AGMO: variants seen among roughly 807,000 people sequenced by gnomAD.
The protein encoded by AGMO is alkylglycerol monooxygenase.
A neutral mutation model predicts 60.2 loss-of-function variants in AGMO; 75 were observed. The ratio of observed to expected loss-of-function variants is 1.25; its 90% CI spans 1.03 to 1.51. AGMO has a LOEUF of 1.51. Among genes scored for constraint, AGMO ranks in the 40% most tolerant of loss-of-function variants. The pLI is 0.00. For missense variants in AGMO, 763 were observed against 525.5 expected (o/e 1.45, Z -4.42); for synonymous variants, 261 against 177.1 (o/e 1.47, Z -3.76).
chr7:15,279,248 C>T (rs1263147733), intron 12 of AGMO, among the ~76,000 whole-genome samples: 1 of 152,132 alleles, frequency 6.6e-6, no homozygotes, highest in Non-Finnish European at 1.5e-5. Context: ...CATTAGGGGT[C>T]CTCTCTCAGC....
chr7:15,304,351 C>T (rs1780549963), intron 12 of AGMO, among the ~76,000 whole-genome samples: 1 of 152,006 alleles, frequency 6.6e-6, no homozygotes, highest in Non-Finnish European at 1.5e-5. Context: ...AACAGCGTAC[C>T]CAGCAAACAG....
intron 12 of AGMO, among the ~76,000 whole-genome samples, chr7:15,215,938 C>T (rs1180269485): frequency 1.3e-5 from 2 of 151,940 alleles, no homozygotes; most frequent in African/African-American, 4.8e-5. Flanking sequence ...TTTTAAAAAC[C>T]CGTATCGGCT....
chr7:15,324,759 A>G (rs1781284158), intron 12 of AGMO, among the ~76,000 whole-genome samples: 1 of 152,106 alleles, frequency 6.6e-6, no homozygotes, highest in South Asian at 2.1e-4. Flanking sequence ...GGACTGCGCA[A>G]TCTAGATCCC....
intron 10 of AGMO, among the ~76,000 whole-genome samples, chr7:15,373,525 A>G (rs1177903896): frequency 6.6e-6 from 1 of 152,138 alleles, no homozygotes; most frequent in African/African-American, 2.4e-5. Context: ...CAGATATTAT[A>G]AAGAAGAAAG....
intron 12 of AGMO, among the ~76,000 whole-genome samples, chr7:15,275,038 A>G (rs2128515947): frequency 6.6e-6 from 1 of 151,532 alleles, no homozygotes; most frequent in East Asian, 1.9e-4. Flanking sequence ...TTCAGTCTCA[A>G]TCTCATTTAG....
intron 12 of AGMO, among the ~76,000 whole-genome samples, chr7:15,319,014 T>C (rs1781025925): frequency 6.6e-6 from 1 of 152,156 alleles, no homozygotes; most frequent in Non-Finnish European, 1.5e-5. Flanking sequence ...TTCTTTATTC[T>C]AAAGTTGATT....
intron 5 of AGMO, among the ~76,000 whole-genome samples, chr7:15,414,562 T>A (rs1780704252): frequency 6.6e-6 from 1 of 151,968 alleles, no homozygotes; most frequent in Non-Finnish European, 1.5e-5. Context: ...GCCTACATTT[T>A]ACTTTAGCCA....
chr7:15,254,618 TG>T (rs1185307507), intron 12 of AGMO, among the ~76,000 whole-genome samples: 5 of 152,266 alleles, frequency 3.3e-5, no homozygotes, highest in African/African-American at 1.2e-4. Context: ...TTATAAAATC[TG>T]GATGTTATCC....
chr7:15,410,253 G>A (rs1364821756), intron 5 of AGMO, among the ~76,000 whole-genome samples: 1 of 151,572 alleles, frequency 6.6e-6, no homozygotes, highest in Non-Finnish European at 1.5e-5. Context: ...CTTATGTGTA[G>A]TAGCAAGATG....
intron 3 of AGMO, among the ~76,000 whole-genome samples, chr7:15,466,712 A>T (rs1161847743): frequency 6.6e-6 from 1 of 152,182 alleles, no homozygotes; most frequent in Non-Finnish European, 1.5e-5. Context: ...TATAAATCAT[A>T]GTATCGCTAA....
intron 12 of AGMO, among the ~76,000 whole-genome samples, chr7:15,275,468 T>C (rs970369931): frequency 6.6e-6 from 1 of 152,176 alleles, no homozygotes; most frequent in Non-Finnish European, 1.5e-5. Flanking sequence ...TAATCTCATG[T>C]GGTTGACTCT....
chr7:15,163,790 A>C, the AGMO span, among the ~76,000 whole-genome samples: 1 of 137,706 alleles, frequency 7.3e-6, no homozygotes, highest in Non-Finnish European at 1.6e-5. Flanking sequence ...CTTTTTTTTT[A>C]TTGTTGTGCC....
intron 10 of AGMO, among the ~76,000 whole-genome samples, chr7:15,371,870 A>C (rs973536812): frequency 6.6e-6 from 1 of 151,980 alleles, no homozygotes; most frequent in Non-Finnish European, 1.5e-5. Flanking sequence ...TCAAACTTTA[A>C]AATAAATTCA....
At chr7:15,435,992 C>T (rs1445748016) in intron 3 of AGMO, among the ~76,000 whole-genome samples, 4 of 152,056 alleles carry the variant, frequency 2.6e-5, no homozygotes, top group African/African-American at 9.7e-5. Context: ...ATTTAATTCC[C>T]AATAGTGGGC....
intron 3 of AGMO, among the ~76,000 whole-genome samples, chr7:15,493,664 C>T (rs1177060486): frequency 6.6e-6 from 1 of 152,022 alleles, no homozygotes; most frequent in African/African-American, 2.4e-5. Flanking sequence ...CGTGAGCCAC[C>T]GCGCCCGGCC....
At chr7:15,319,429 G>A (rs1378972134) in intron 12 of AGMO, among the ~76,000 whole-genome samples, 2 of 152,026 alleles carry the variant, frequency 1.3e-5, no homozygotes, top group Non-Finnish European at 2.9e-5. Flanking sequence ...TTTGGACTGG[G>A]GATCCAAAGA....
chr7:15,172,969 G>A, the AGMO span, among the ~76,000 whole-genome samples: 2 of 152,008 alleles, frequency 1.3e-5, no homozygotes, highest in South Asian at 4.1e-4. Context: ...TCAAAGATAA[G>A]GGCTTCTCAA....
rs71549927 is a variant in AGMO, at chr7:15,259,899, C to CAAAAAAAAAAAA, written c.1264-58552_1264-58541dup. 9.2e-3 allele frequency among the ~76,000 whole-genome samples: 87 copies of CAAAAAAAAAAAA among 9,414 alleles called. 7 individuals are homozygous for CAAAAAAAAAAAA. Among genetic ancestry groups the CAAAAAAAAAAAA allele is most frequent in the East Asian group, 0.02 (5 of 256 alleles). 6.2% of individuals were successfully genotyped at this position (9,414 alleles called of 152,430 possible). A position where few individuals can be genotyped will look rare whatever the true frequency, so the allele number is the denominator to read the frequency against. The stretch of plus-strand genomic sequence containing the variant: ...TACCAAGCCAGCACTACAAGAACTG[C>CAAAAAAAAAAAA]AAAAAAAAAAAAAAAAAAAAAAAAA... On this transcript the variant is annotated intron_variant, in intron 12 of 12. Transcript: ENST00000342526.
At chr7:15,181,581 G>A in the AGMO span, among the ~76,000 whole-genome samples, 2 of 151,820 alleles carry the variant, frequency 1.3e-5, no homozygotes, top group East Asian at 1.9e-4. Context: ...TAATGCAATA[G>A]GTTTTCAGAA....
Sources: gnomAD v4.1 joint callset for allele counts (sites outside exome capture counted in the v4.1 genomes callset) on GRCh38, gnomAD v4.1.1 for gene constraint, MANE v1.5 for transcripts, NCBI Gene and HGNC (gene_info 2026-07-23, HGNC 2026-07-21) for gene names.